The following TLE6 variants were observed in gnomAD, a reference collection of about 807,000 sequenced individuals.
TLE6 encodes TLE family member 6, subcortical maternal complex member.
Under a neutral mutation model 77.1 loss-of-function variants are expected in TLE6, and 72 were observed. The observed-to-expected ratio is 0.93, with a 90% CI of 0.77 to 1.14. The LOEUF is 1.14. TLE6 is among the 50% of genes most tolerant of loss of function. TLE6 has a pLI of 0.00. For missense variants in TLE6, 843 were observed against 747.6 expected (o/e 1.13, Z -1.49); for synonymous variants, 366 against 287.3 (o/e 1.27, Z -2.77).
chr19:2,987,198 TG>T lies in TLE6; in HGVS notation c.502del (p.Ala168ProfsTer147), dbSNP rs922059309. On this transcript the variant is annotated frameshift_variant, in exon 7 of 17. Transcript: ENST00000246112. LOFTEE classifies it high-confidence loss of function. ...TGACCGAGCAACTCTGGCGGATTTT[TG>T]CCGGCGTCCACGATGAGAAGGCAAA... ...TLTEQLWRIF[A>X]GVHDEKAKPR... 1.2e-6 allele frequency: 2 copies of T among 1,614,014 alleles called. No homozygotes were observed. Among genetic ancestry groups the T allele is most frequent in the African/African-American group, 2.7e-5 (2 of 74,924 alleles).
chr19:2,990,688 T>C (rs1028568657), intron 13 of TLE6, among the ~76,000 whole-genome samples: 2 of 101,228 alleles, frequency 2.0e-5, no homozygotes, highest in African/African-American at 5.5e-5. Context: ...TACATAAATA[T>C]ATACATAAAT....
chr19:2,986,451 T>C (rs1044625865), intron 5 of TLE6, among the ~76,000 whole-genome samples: 3 of 144,750 alleles, frequency 2.1e-5, no homozygotes, highest in Non-Finnish European at 4.6e-5. Context: ...TGGTGGCTTA[T>C]GCCTATAATC....
At chr19:2,984,447 A>C (rs1452720050) in intron 5 of TLE6, 1 of 151,948 alleles carries the variant, frequency 6.6e-6, no homozygotes, top group Admixed American at 6.6e-5. Flanking sequence ...AAAAAACTTA[A>C]GAGATAGGAT....
intron 3 of TLE6, among the ~76,000 whole-genome samples, chr19:2,980,690 T>A (rs2088780131): frequency 7.0e-6 from 1 of 142,252 alleles, no homozygotes; most frequent in African/African-American, 2.7e-5. Context: ...TGAGCCAGGA[T>A]CACACCATTA....
intron 15 of TLE6, 103 bp downstream of exon 15, chr19:2,993,685 G>C: frequency 7.1e-7 from 1 of 1,416,574 alleles, no homozygotes; most frequent in Non-Finnish European, 9.5e-7. Context: ...GGACACCTCA[G>C]AACCCTTCTG....
Position 2,993,414 on chromosome 19 carries a change from C to T in TLE6, c.1387-18C>T, listed in dbSNP as rs368143787. On this transcript the variant is annotated intron_variant, in intron 14 of 16. Transcript: ENST00000246112. ...GGGACCTAACCAGGTTCCTCCCTCC[C>T]CACTGCCCATTACCTAGATAATGAG... The T allele has an allele frequency of 1.1e-4, 180 of 1,590,952 alleles. No individual in the cohort carries two copies. The highest frequency in any genetic ancestry group is 1.4e-4 in the Non-Finnish European group (166 of 1,163,276).
Position 2,995,050 on chromosome 19 carries a change from C to A in TLE6, c.*46C>A. On this transcript the variant is annotated 3_prime_UTR_variant, in exon 17 of 17. Coordinates refer to ENST00000246112, the MANE Select transcript of TLE6 (RefSeq NM_001143986.2). ...CCACTCCGGCTCCTCTTTTCATCCCCCCCCTTCCCCCCCCCCAACAAGGGG... is the reference window on the plus strand; with the variant it reads ...CCACTCCGGCTCCTCTTTTCATCCCACCCCTTCCCCCCCCCCAACAAGGGG... 1.8e-6 allele frequency: 2 copies of A among 1,109,030 alleles called. No homozygotes were observed. Among genetic ancestry groups the A allele is most frequent in the African/African-American group, 2.0e-5 (1 of 49,546 alleles). 68.7% of individuals were successfully genotyped at this position (1,109,030 alleles called of 1,614,324 possible). A position where few individuals can be genotyped will look rare whatever the true frequency, so the allele number is the denominator to read the frequency against.
chr19:2,993,542 A>G lies in TLE6; in HGVS notation c.1497A>G (p.Gln499=). ...TSGSQRHMVG[Q]KDSVILSVKF... ...GGAGCCAGCGGCACATGGTGGGGCA[A>G]AAAGACAGCGTCATCCTGAGCGTCA... Residue 499 remains glutamine, a synonymous_variant, in exon 15 of 17, where the codon CAA becomes CAG. Transcript: ENST00000246112. The G allele has an allele frequency of 1.9e-6, 3 of 1,589,256 alleles. No homozygotes were observed. The highest frequency in any genetic ancestry group is 2.6e-6 in the Non-Finnish European group (3 of 1,161,240).
chr19:2,994,853 G>A (rs201762308), intron 16 of TLE6, 47 bp from the exon 17 acceptor site: 2 of 1,108,314 alleles, frequency 1.8e-6, no homozygotes, highest in Non-Finnish European at 2.7e-6. Context: ...GGAGACCAGG[G>A]GTGTGTGAGC....
At chr19:2,985,964 C>G (rs2088899512) in intron 5 of TLE6, among the ~76,000 whole-genome samples, 1 of 147,748 alleles carries the variant, frequency 6.8e-6, no homozygotes, top group Admixed American at 7.0e-5. Context: ...AATCCAGCTA[C>G]TTGGGAGGCT....
At position 2,986,184 on chromosome 19, in the gene TLE6, G is replaced by A. The variant is rs886786193; in HGVS notation, c.223-645G>A. Among the ~76,000 whole-genome samples the A allele has an allele frequency of 2.7e-5, 4 of 150,882 alleles. No homozygotes were observed. The East Asian group carries it at 7.8e-4, about 29-fold the overall frequency. The stretch of plus-strand genomic sequence containing the variant: ...TCCCAGCACTTTGGGAGGCACACGT[G>A]GGAGGATAGTTTGAGGCCAGGAATT... On this transcript the variant is annotated intron_variant, in intron 5 of 16. Coordinates refer to ENST00000246112, the MANE Select transcript of TLE6 (RefSeq NM_001143986.2).
In TLE6 at chr19:2,995,089, G is replaced by A; in HGVS notation, c.*85G>A. 1.1e-6 allele frequency: 1 copy of A among 881,748 alleles called. No homozygotes were observed. The highest frequency in any genetic ancestry group is 1.8e-6 in the Non-Finnish European group (1 of 563,206). The allele number at this position is 881,748 out of a possible 1,614,324, so 54.6% of individuals were successfully genotyped here. ...CCCAACAAGGGGGACATGGTGGAGG[G>A]AAGCGGGAAGGCTCTTCTGTGGCAT... On this transcript the variant is annotated 3_prime_UTR_variant, in exon 17 of 17. Transcript: ENST00000246112.
At chr19:2,991,383 TATATATATATATACACACACACAC>T (rs2089054945) in intron 13 of TLE6, among the ~76,000 whole-genome samples, 1 of 103,458 alleles carries the variant, frequency 9.7e-6, no homozygotes, top group African/African-American at 4.9e-5. Flanking sequence ...TACGTATATA[TATATATATATATACACACACACAC>T]ACACACACAC....
chr19:2,991,018 A>T (rs988990767), intron 13 of TLE6, among the ~76,000 whole-genome samples: 1 of 133,046 alleles, frequency 7.5e-6, no homozygotes. Flanking sequence ...ACATACATAC[A>T]TACATACATA....
rs923084502 is a variant in TLE6, at chr19:2,989,220, C to T, written c.900C>T (p.His300=). The change falls in exon 12 of 17, where the codon CAC becomes CAT. Residue 300 remains histidine (H), a synonymous_variant. Transcript: ENST00000246112. The part of the protein sequence containing the change: ...LATAISSFTR[H]VFTCGRRGIK... ...CGGCCATCAGCAGCTTCACGCGGCA[C>T]GTGTTCACCTGTGGCAGAAGAGGCA... The T allele has an allele frequency of 1.3e-5, 21 of 1,613,988 alleles. No individual in the cohort carries two copies. The highest frequency in any genetic ancestry group is 1.8e-5 in the Non-Finnish European group (21 of 1,180,056).
In TLE6 at chr19:2,993,477, G is replaced by A. The variant is rs1376890308; in HGVS notation, c.1432G>A (p.Gly478Ser). The A allele has an allele frequency of 1.2e-6, 2 of 1,602,984 alleles. No individual in the cohort carries two copies. Among genetic ancestry groups the A allele is most frequent in the African/African-American group, 1.3e-5 (1 of 74,548 alleles). The change falls in exon 15 of 17, where the codon GGC (glycine) becomes AGC (serine). Residue 478 changes from glycine (G) to serine (S), a missense_variant. By Grantham distance (56) the Gly-to-Ser change is moderately conservative (BLOSUM62 0). Coordinates refer to ENST00000246112, the MANE Select transcript of TLE6 (RefSeq NM_001143986.2). Reference protein sequence around the residue: ...HSPQEDWVLLGMANGQQWLQS... With the variant: ...HSPQEDWVLLSMANGQQWLQS... Reference sequence around the variant, plus strand: ...CCCCCAGGAGGACTGGGTGCTGCTGGGCATGGCCAATGGCCAGCAGTGGCT... The same window carrying A: ...CCCCCAGGAGGACTGGGTGCTGCTGAGCATGGCCAATGGCCAGCAGTGGCT...
intron 16 of TLE6, among the ~76,000 whole-genome samples, chr19:2,994,428 G>T (rs2089161937): frequency 6.6e-6 from 1 of 152,098 alleles, no homozygotes; most frequent in African/African-American, 2.4e-5. Flanking sequence ...GGCTAACACG[G>T]TGAATCCCTG....
At chr19:2,980,298 G>C in intron 3 of TLE6, 116 bp downstream of exon 3, 2 of 774,344 alleles carry the variant, frequency 2.6e-6, no homozygotes, top group Non-Finnish European at 4.1e-6. Flanking sequence ...CCAGGCTCAG[G>C]AACAGGAAGC....
intron 14 of TLE6, among the ~76,000 whole-genome samples, chr19:2,992,522 C>T (rs375325): frequency 6.6e-6 from 1 of 151,736 alleles, no homozygotes; most frequent in Admixed American, 6.6e-5. Flanking sequence ...TGCAATCCCA[C>T]CACTTTGGGA....
Sources: gnomAD v4.1 joint callset for allele counts (sites outside exome capture counted in the v4.1 genomes callset) on GRCh38, gnomAD v4.1.1 for gene constraint, MANE v1.5 for transcripts, NCBI Gene and HGNC (gene_info 2026-07-23, HGNC 2026-07-21) for gene names.